Variants in CHD1 observed in about 807,000 individuals in gnomAD.
CHD1 encodes ATP-dependent chromatin remodeler CHD1.
CHD1 carries 36 observed loss-of-function variants against 224.2 expected under a neutral mutation model. That is an observed-to-expected ratio of 0.16 (90% CI 0.12 to 0.21). The LOEUF is 0.21. Ranked by LOEUF, CHD1 falls within the 10% of genes least tolerant of loss-of-function variation. The pLI is 1.00. For synonymous variants in CHD1, 668 were observed against 658.3 expected, an observed-to-expected ratio of 1.01 and a Z score of -0.23; for missense variants, 1,378 against 1,994.8, an observed-to-expected ratio of 0.69 and a Z score of 5.89.
chr5:98,881,961 A>C lies in CHD1; in HGVS notation c.2867+14T>G. Reference sequence around the variant, plus strand: ...GACTCTAAAATGACATTTTTTTAATAATCAAGTAACCACCTTGATGGGGCA... The same window carrying C: ...GACTCTAAAATGACATTTTTTTAATCATCAAGTAACCACCTTGATGGGGCA... On this transcript the variant is annotated intron_variant, in intron 20 of 35. Coordinates refer to ENST00000614616, the MANE Select transcript of CHD1 (RefSeq NM_001270.4). The C allele has an allele frequency of 1.2e-6, 2 of 1,604,570 alleles. No individual in the cohort carries two copies. Among genetic ancestry groups the C allele is most frequent in the Non-Finnish European group, 1.7e-6 (2 of 1,175,566 alleles).
rs529604383 is a variant in CHD1, at chr5:98,918,059, A to G, written c.53+8275T>C. 2.2e-5 allele frequency among the ~76,000 whole-genome samples: 3 copies of G among 136,864 alleles called. No individual in the cohort carries two copies. In the South Asian group the frequency reaches 6.7e-4, roughly 30 times the overall value. The allele number at this position is 136,864 out of a possible 152,430, so 89.8% of individuals were successfully genotyped here. A position where few individuals can be genotyped will look rare whatever the true frequency, so the allele number is the denominator to read the frequency against. The stretch of plus-strand genomic sequence containing the variant: ...TCACCTGGAACTAAGTCACAGAAAA[A>G]CTTTTTTTTTTTTTTTGAGATGGAG... On this transcript the variant is annotated intron_variant, in intron 2 of 35. Coordinates refer to ENST00000614616, the MANE Select transcript of CHD1 (RefSeq NM_001270.4).
chr5:98,902,136 T>A (rs777402501), intron 5 of CHD1, among the ~76,000 whole-genome samples: 8 of 151,856 alleles, frequency 5.3e-5, no homozygotes, highest in Admixed American at 1.3e-4. Context: ...TGTATTTTTA[T>A]AATGGAAAAA....
chr5:98,912,892 C>A (rs1752515433), intron 2 of CHD1, among the ~76,000 whole-genome samples: 1 of 152,080 alleles, frequency 6.6e-6, no homozygotes, highest in African/African-American at 2.4e-5. Context: ...GATTTTCTTT[C>A]TTGTACATAT....
At position 98,889,182 on chromosome 5, in the gene CHD1, G is replaced by A; in HGVS notation, c.2237C>T (p.Ser746Leu). 1 of 1,611,034 alleles carries A rather than the reference G, an allele frequency of 6.2e-7. No homozygotes were observed. The highest frequency in any genetic ancestry group is 8.5e-7 in the Non-Finnish European group (1 of 1,177,880). Reference protein sequence around the residue: ...ALSKGSKGSTSGFLNIMMELK... With the variant: ...ALSKGSKGSTLGFLNIMMELK... ...CTCCATCATAATGTTCAAAAAGCCT[G>A]AGGTACTGCCCTTGGAACCTTTGCT... The change falls in exon 16 of 36, where the codon TCA becomes TTA. Residue 746 changes from serine to leucine, a missense_variant. Ser to Leu is a moderately radical substitution (Grantham distance 145). Coordinates refer to ENST00000614616, the MANE Select transcript of CHD1 (RefSeq NM_001270.4).
intron 24 of CHD1, 64 bp downstream of exon 24, chr5:98,876,334 T>G (rs773429217): frequency 2.7e-6 from 4 of 1,501,204 alleles, no homozygotes; most frequent in Non-Finnish European, 3.6e-6. Context: ...ATTACGGCGT[T>G]TTTACATTTT....
intron 2 of CHD1, among the ~76,000 whole-genome samples, chr5:98,921,665 A>C (rs161952): frequency 0.32 from 48,902 of 152,118 alleles, 9,532 homozygotes; most frequent in African/African-American, 0.54. Flanking sequence ...ATATATAACC[A>C]ATCAGTCATC....
intron 6 of CHD1, 49 bp from the exon 7 acceptor site, chr5:98,901,131 C>A: frequency 6.4e-7 from 1 of 1,574,066 alleles, no homozygotes; most frequent in Non-Finnish European, 8.6e-7. Flanking sequence ...AAACTATATA[C>A]AAAAAGAACA....
chr5:98,891,764 T>C (rs913128159), intron 15 of CHD1, among the ~76,000 whole-genome samples: 5 of 152,154 alleles, frequency 3.3e-5, no homozygotes, highest in Admixed American at 2.6e-4. Flanking sequence ...TGAGCCAAGA[T>C]TGTGCCACTG....
chr5:98,883,062 A>T, intron 19 of CHD1, 26 bp downstream of exon 19: 1 of 1,356,730 alleles, frequency 7.4e-7, no homozygotes, highest in Non-Finnish European at 9.7e-7. Context: ...AAACAGCAAT[A>T]TAATATAAAT....
At chr5:98,915,082 G>A (rs747234301) in intron 2 of CHD1, among the ~76,000 whole-genome samples, 7 of 152,096 alleles carry the variant, frequency 4.6e-5, no homozygotes, top group Non-Finnish European at 1.0e-4. Flanking sequence ...AAACTTTTTG[G>A]ACCATGACCT....
rs563352594 is a variant in CHD1 at position 98,888,778 on chromosome 5, T to C, written c.2343+298A>G. 1.2e-4 allele frequency among the ~76,000 whole-genome samples: 18 copies of C among 152,306 alleles called. No individual in the cohort carries two copies. In the South Asian group the frequency reaches 1.2e-3, roughly 11 times the overall value. On this transcript the variant is annotated intron_variant, in intron 16 of 35. Coordinates refer to ENST00000614616, the MANE Select transcript of CHD1 (RefSeq NM_001270.4). ...TTACCAAATCACAAATGCAGCACAATTACTATTAACGATTTTTTCATAATT... is the reference window on the plus strand; with the variant it reads ...TTACCAAATCACAAATGCAGCACAACTACTATTAACGATTTTTTCATAATT...
chr5:98,884,001 C>T (rs1376613854), intron 18 of CHD1: 1 of 152,540 alleles, frequency 6.6e-6, no homozygotes, highest in East Asian at 1.9e-4. Context: ...ACTACCACAC[C>T]CAGCTAATTT....
chr5:98,892,728 A>T lies in CHD1; in HGVS notation c.1992-15T>A. On this transcript the variant is annotated splice_polypyrimidine_tract_variant and intron_variant, in intron 14 of 35. Coordinates refer to ENST00000614616, the MANE Select transcript of CHD1 (RefSeq NM_001270.4). The stretch of plus-strand genomic sequence containing the variant: ...AGGAAGAAAACCTTTAAAATTTAAG[A>T]AATTGGAACAATTACTAGAAAAAAT... The T allele has an allele frequency of 6.5e-7, 1 of 1,537,314 alleles. No individual in the cohort carries two copies. The highest frequency in any genetic ancestry group is 1.2e-5 in the South Asian group (1 of 80,902).
In CHD1 at chr5:98,923,480, A is replaced by G. The variant is rs183265348; in HGVS notation, c.53+2854T>C. Reference sequence around the variant, plus strand: ...TCCCAGGCTGGAGTGCAATCGCGCAATCTCCGGCTCACTGCAACCTCCGTC... The same window carrying G: ...TCCCAGGCTGGAGTGCAATCGCGCAGTCTCCGGCTCACTGCAACCTCCGTC... On this transcript the variant is annotated intron_variant, in intron 2 of 35. Transcript: ENST00000614616. Among the ~76,000 whole-genome samples, 21 of 151,718 alleles carry G rather than the reference A, an allele frequency of 1.4e-4. No individual in the cohort carries two copies. In the East Asian group the frequency reaches 3.9e-3, roughly 28 times the overall value.
Position 98,903,837 on chromosome 5 carries a change from C to G in CHD1, c.327G>C (p.Gln109His). ...SAILKKQQQQ[Q>H]QQQQHQASSN... ...ATGAGGCTTGATGTTGTTGTTGCTG[C>G]TGCTGCTGTTGCTGCTTCTTGAGGA... The change falls in exon 4 of 36, where the codon CAG (glutamine) becomes CAC (histidine). Residue 109 changes from glutamine to histidine, a missense_variant. Physicochemically the swap from Gln to His is conservative, Grantham distance 24. Around this residue, in one of 16 missense-constraint regions of CHD1, gnomAD observed 306 missense variants for 298.1 expected, o/e 1.03. Transcript: ENST00000614616. 1 of 1,613,596 alleles carries G rather than the reference C, an allele frequency of 6.2e-7. No individual in the cohort carries two copies. Among genetic ancestry groups the G allele is most frequent in the Non-Finnish European group, 8.5e-7 (1 of 1,179,702 alleles).
chr5:98,897,549 G>A (rs1180628745), intron 10 of CHD1, among the ~76,000 whole-genome samples: 1 of 151,988 alleles, frequency 6.6e-6, no homozygotes, highest in Non-Finnish European at 1.5e-5. Flanking sequence ...AAAATGTATA[G>A]AGAAAATTAA....
chr5:98,897,602 C>T (rs1253812317), intron 10 of CHD1, among the ~76,000 whole-genome samples: 2 of 152,116 alleles, frequency 1.3e-5, no homozygotes, highest in Non-Finnish European at 1.5e-5. Flanking sequence ...ACAAGCAAAA[C>T]CTACGTTAAA....
chr5:98,888,325 T>A (rs1273584885), intron 16 of CHD1, 85 bp from the exon 17 acceptor site: 2 of 939,190 alleles, frequency 2.1e-6, no homozygotes, highest in African/African-American at 1.7e-5. Flanking sequence ...TGAATTATTT[T>A]AAATTGAGAT....
intron 29 of CHD1, 78 bp from the exon 30 acceptor site, chr5:98,869,960 C>G (rs900376963): frequency 3.7e-5 from 40 of 1,070,118 alleles, no homozygotes; most frequent in Non-Finnish European, 5.3e-5. Context: ...AATCCAAGGG[C>G]TAGAACACAT....
Sources: allele counts gnomAD v4.1 joint callset (sites outside exome capture counted in the v4.1 genomes callset), GRCh38; gene constraint gnomAD v4.1.1; regional missense constraint gnomAD v4.1.1; transcripts MANE v1.5; gene names NCBI Gene and HGNC (gene_info 2026-07-23, HGNC 2026-07-21).